DNAH17: variants seen among roughly 807,000 people sequenced by gnomAD.
DNAH17 encodes axonemal beta dynein heavy chain 17.
In DNAH17, 376 loss-of-function variants were observed where a neutral mutation model predicts 485.6. The observed-to-expected ratio is 0.77, with a 90% CI of 0.71 to 0.84. The LOEUF (loss-of-function observed/expected upper bound fraction) is 0.84, where lower values mean the gene tolerates loss of function less well. Among genes scored for constraint, DNAH17 ranks in the 40% least tolerant of loss-of-function variants. The pLI, the probability that DNAH17 is intolerant of heterozygous loss-of-function variation, is 0.00. For synonymous variants in DNAH17, 3,031 were observed against 2,405.9 expected (o/e 1.26, Z -7.60); for missense variants, 6,370 against 5,839.3 (o/e 1.09, Z -2.96).
intron 56 of DNAH17, among the ~76,000 whole-genome samples, chr17:78,463,926 T>G (rs1226395367): frequency 6.6e-6 from 1 of 152,242 alleles, no homozygotes; most frequent in African/African-American, 2.4e-5. Flanking sequence ...AGTCTCTGCC[T>G]TGGGAACTAG....
At position 78,537,214 on chromosome 17, in the gene DNAH17, G is replaced by A. The variant is rs377674727; in HGVS notation, c.2859+85C>T. ...AAGAAAAAAAGAAAAGGTAAACGGC[G>A]AAGCCTTGCCGAGTTAGGGCGGCAA... On this transcript the variant is annotated intron_variant, in intron 19 of 80. Coordinates refer to ENST00000389840, the MANE Select transcript of DNAH17 (RefSeq NM_173628.4). 10 of 1,371,154 alleles carry A rather than the reference G, an allele frequency of 7.3e-6. No homozygotes were observed. The African/African-American group carries it at 7.4e-5, about 10-fold the overall frequency. The allele number at this position is 1,371,154 out of a possible 1,614,324, so 84.9% of individuals were successfully genotyped here.
In DNAH17 at chr17:78,473,421, G is replaced by A. The variant is rs184538942; in HGVS notation, c.8511+1857C>T. Among the ~76,000 whole-genome samples the A allele has an allele frequency of 5.4e-3, 820 of 152,064 alleles. 3 individuals carry two copies. The highest frequency in any genetic ancestry group is 9.0e-3 in the Non-Finnish European group (611 of 67,982). On this transcript the variant is annotated intron_variant, in intron 54 of 80. Transcript: ENST00000389840. ...TAGACGGGCGTGGTGGCGGGCGCGT[G>A]TAGTCCCAGCTACTCAGGAGGCTGA...
Position 78,530,418 on chromosome 17 carries a change from T to C in DNAH17, c.3209A>G (p.Lys1070Arg), listed in dbSNP as rs372906804. 1.2e-6 allele frequency: 2 copies of C among 1,613,700 alleles called. No individual in the cohort carries two copies. The highest frequency in any genetic ancestry group is 2.2e-5 in the East Asian group (1 of 44,882). Reference sequence around the variant, plus strand: ...CCGGATTGTGCTGAGCAGGGCCTGCTTGAAGGGGCGGCAGTCGCACTGCAG... The same window carrying C: ...CCGGATTGTGCTGAGCAGGGCCTGCCTGAAGGGGCGGCAGTCGCACTGCAG... ...GWLQCDCRPF[K>R]QALLSTIRRW... The change falls in exon 21 of 81, where the codon AAG becomes AGG. Residue 1070 changes from lysine (K) to arginine (R), a missense_variant. Coordinates refer to ENST00000389840, the MANE Select transcript of DNAH17 (RefSeq NM_173628.4).
intron 56 of DNAH17, among the ~76,000 whole-genome samples, chr17:78,465,418 G>T (rs1384441159): frequency 3.4e-5 from 5 of 147,270 alleles, no homozygotes; most frequent in Non-Finnish European, 7.5e-5. Flanking sequence ...GAGCCCCTCT[G>T]CCTGGCTGCC....
chr17:78,555,543 CAA>C (rs765954549), intron 14 of DNAH17, among the ~76,000 whole-genome samples: 116 of 77,678 alleles, frequency 1.5e-3, no homozygotes, highest in Middle Eastern at 8.6e-3. Context: ...GATTCCGTCA[CAA>C]AAAAAAAAAA....
chr17:78,425,102 A>G, intron 80 of DNAH17: 3 of 437,266 alleles, frequency 6.9e-6, no homozygotes, highest in Non-Finnish European at 8.2e-6. Context: ...TCATTAAAGC[A>G]GAGGCCAGGT....
intron 43 of DNAH17, 48 bp from the exon 44 acceptor site, chr17:78,490,895 T>C (rs756504560): frequency 1.0e-4 from 153 of 1,529,418 alleles, no homozygotes; most frequent in Non-Finnish European, 1.3e-4. Context: ...ACACCTGCCA[T>C]CCCAATGGTG....
In DNAH17 at chr17:78,504,736, G is replaced by A. The variant is rs576736672; in HGVS notation, c.4956+557C>T. Among the ~76,000 whole-genome samples the A allele has an allele frequency of 1.2e-3, 181 of 152,248 alleles. 1 individual carries two copies. Among genetic ancestry groups the A allele is most frequent in the African/African-American group, 4.0e-3 (166 of 41,544 alleles). On this transcript the variant is annotated intron_variant, in intron 31 of 80. Coordinates refer to ENST00000389840, the MANE Select transcript of DNAH17 (RefSeq NM_173628.4). ...CCCTGAGCCGGGGGACGCGCTTGCT[G>A]GGGAAGGAAGAGGCTGTGGAGACCA... is the stretch of plus-strand genomic sequence containing the variant.
At chr17:78,547,735 A>T (rs1199047481) in intron 16 of DNAH17, among the ~76,000 whole-genome samples, 2 of 151,408 alleles carry the variant, frequency 1.3e-5, no homozygotes, top group Admixed American at 1.3e-4. Flanking sequence ...CTCCTGCCTC[A>T]GCCTCTCTAG....
chr17:78,496,236 GCA>G (rs2090066049), intron 37 of DNAH17, among the ~76,000 whole-genome samples: 1 of 152,108 alleles, frequency 6.6e-6, no homozygotes, highest in African/African-American at 2.4e-5. Context: ...AGAGGGCCAG[GCA>G]CAGTGGCTCA....
At chr17:78,430,328 ATTCT>A (rs1162165166) in intron 75 of DNAH17, among the ~76,000 whole-genome samples, 6 of 151,890 alleles carry the variant, frequency 4.0e-5, no homozygotes, top group Non-Finnish European at 8.8e-5. Context: ...AAGATAATTG[ATTCT>A]TTTTTGGTAC....
At chr17:78,533,983 G>A (rs1208842045) in intron 19 of DNAH17, among the ~76,000 whole-genome samples, 1 of 152,174 alleles carries the variant, frequency 6.6e-6, no homozygotes, top group African/African-American at 2.4e-5. Context: ...AATGCGCCCA[G>A]CCCAATTTTG....
chr17:78,551,456 G>T (rs370886655), intron 16 of DNAH17, 79 bp downstream of exon 16: 29 of 1,313,650 alleles, frequency 2.2e-5, no homozygotes, highest in East Asian at 6.9e-5. Flanking sequence ...CTTTCCATGG[G>T]CCTCTACGTA....
intron 14 of DNAH17, among the ~76,000 whole-genome samples, chr17:78,557,468 A>G (rs1381654864): frequency 6.6e-6 from 1 of 151,628 alleles, no homozygotes; most frequent in Admixed American, 6.6e-5. Flanking sequence ...AAATACAAAA[A>G]TTATTTGTAT....
At chr17:78,466,524 T>C in intron 56 of DNAH17, 131 bp downstream of exon 56, 2 of 736,800 alleles carry the variant, frequency 2.7e-6, no homozygotes, top group Non-Finnish European at 3.8e-6. Context: ...CTCTTAAACG[T>C]TGAGCCCAAG....
At chr17:78,540,443 A>ATGGGTGGG (rs1555687962) in intron 17 of DNAH17, among the ~76,000 whole-genome samples, 2 of 20,494 alleles carry the variant, frequency 9.8e-5, no homozygotes, top group East Asian at 2.1e-3. Context: ...GGATGGATGG[A>ATGGGTGGG]TGGATGGGTG....
intron 62 of DNAH17, 81 bp from the exon 63 acceptor site, chr17:78,455,917 T>C: frequency 2.5e-6 from 3 of 1,211,154 alleles, no homozygotes; most frequent in Non-Finnish European, 3.3e-6. Context: ...TCTGCACCTC[T>C]GTGAATCTTC....
chr17:78,505,241 G>T, intron 31 of DNAH17, 52 bp downstream of exon 31: 2 of 1,606,466 alleles, frequency 1.2e-6, no homozygotes, highest in South Asian at 1.1e-5. Flanking sequence ...TGGCCCACAC[G>T]CGTGCTGCAC....
At chr17:78,495,205 C>G in intron 38 of DNAH17, 108 bp from the exon 39 acceptor site, 1 of 1,374,514 alleles carries the variant, frequency 7.3e-7, no homozygotes, top group Non-Finnish European at 9.7e-7. Flanking sequence ...CCAGGTAGAC[C>G]ACAGCAGAGT....
Sources: allele counts gnomAD v4.1 joint callset (sites outside exome capture counted in the v4.1 genomes callset), GRCh38; gene constraint gnomAD v4.1.1; transcripts MANE v1.5; gene names NCBI Gene and HGNC (gene_info 2026-07-23, HGNC 2026-07-21).